The following CSMD1 variants were observed in gnomAD, a reference collection of about 807,000 sequenced individuals.
CSMD1 encodes the protein CUB and sushi domain-containing protein 1.
Under a neutral mutation model 417.5 loss-of-function variants are expected in CSMD1, and 213 were observed. That is an observed-to-expected ratio of 0.51 (90% CI 0.46 to 0.57). The LOEUF is 0.57. Among genes scored for constraint, CSMD1 ranks in the 20% least tolerant of loss-of-function variants. The probability of loss-of-function intolerance (pLI) is 0.00; values close to 1 mark genes in which losing one functional copy is unlikely to be tolerated. For synonymous variants in CSMD1, 2,862 were observed against 1,736.8 expected, an observed-to-expected ratio of 1.65 and a Z score of -16.11; for missense variants, 6,923 against 4,529.7, an observed-to-expected ratio of 1.53 and a Z score of -15.17.
At chr8:3,353,966 T>C (rs1808577365) in intron 21 of CSMD1, among the ~76,000 whole-genome samples, 1 of 152,178 alleles carries the variant, frequency 6.6e-6, no homozygotes, top group Non-Finnish European at 1.5e-5. Context: ...CTCAGTCTGC[T>C]TGGCCTGCTG....
At chr8:4,751,205 C>A (rs755033267) in intron 1 of CSMD1, among the ~76,000 whole-genome samples, 6 of 152,208 alleles carry the variant, frequency 3.9e-5, no homozygotes, top group African/African-American at 1.2e-4. Flanking sequence ...GCCAACATGG[C>A]GAAGACCCAT....
chr8:4,933,638 G>A (rs545305428), intron 1 of CSMD1, among the ~76,000 whole-genome samples: 6 of 152,194 alleles, frequency 3.9e-5, no homozygotes, highest in East Asian at 1.9e-4. Flanking sequence ...TGTACTTTCC[G>A]AATGCCTGTC....
intron 1 of CSMD1, among the ~76,000 whole-genome samples, chr8:4,785,056 T>G (rs573771538): frequency 6.6e-6 from 1 of 152,338 alleles, no homozygotes; most frequent in East Asian, 1.9e-4. Context: ...AGTGGATATT[T>G]ATATAACTAT....
intron 12 of CSMD1, among the ~76,000 whole-genome samples, chr8:3,423,301 C>T (rs191099147): frequency 1.3e-4 from 20 of 152,316 alleles, no homozygotes; most frequent in Admixed American, 1.2e-3. Context: ...CATTCCTCCA[C>T]AATTTCCTCC....
intron 7 of CSMD1, among the ~76,000 whole-genome samples, chr8:3,698,957 C>A (rs1412171048): frequency 6.6e-6 from 1 of 152,186 alleles, no homozygotes; most frequent in Non-Finnish European, 1.5e-5. Flanking sequence ...AGTCAGGCAT[C>A]CAGGCTGATG....
At chr8:4,166,211 T>C (rs771148949) in intron 3 of CSMD1, among the ~76,000 whole-genome samples, 65 of 152,224 alleles carry the variant, frequency 4.3e-4, no homozygotes, top group Admixed American at 3.9e-4. Context: ...TTTTATGACA[T>C]ATTTCATTTA....
chr8:4,162,221 T>C (rs1482236629), intron 3 of CSMD1, among the ~76,000 whole-genome samples: 4 of 152,234 alleles, frequency 2.6e-5, no homozygotes, highest in South Asian at 2.1e-4. Context: ...TTAATTGTTA[T>C]GTTACCAGTA....
chr8:4,495,060 A>G (rs1333313652), intron 2 of CSMD1, among the ~76,000 whole-genome samples: 1 of 152,178 alleles, frequency 6.6e-6, no homozygotes, highest in Non-Finnish European at 1.5e-5. Context: ...CACTAGGGAC[A>G]GGGAGACAAG....
At chr8:2,965,746 T>TGGG in intron 59 of CSMD1, 29 bp downstream of exon 59, 1 of 1,569,590 alleles carries the variant, frequency 6.4e-7, no homozygotes. Flanking sequence ...TATACACATC[T>TGGG]GTAAAATCCA....
intron 3 of CSMD1, among the ~76,000 whole-genome samples, chr8:4,099,160 T>A (rs4875275): frequency 0.99 from 150,985 of 152,000 alleles, 74,996 homozygotes; most frequent in Middle Eastern, 1. Context: ...ACCATGCATA[T>A]GTCTTATTTA....
At chr8:4,467,121 G>GT (rs779371262) in intron 2 of CSMD1, among the ~76,000 whole-genome samples, 1 of 72,548 alleles carries the variant, frequency 1.4e-5, no homozygotes, top group Non-Finnish European at 3.0e-5. Flanking sequence ...ATTCTTCAGA[G>GT]TAAAAAAAAA....
chr8:3,749,493 G>A (rs773293157), intron 6 of CSMD1, among the ~76,000 whole-genome samples: 7 of 152,144 alleles, frequency 4.6e-5, no homozygotes, highest in Admixed American at 1.3e-4. Flanking sequence ...GTAAGACTCC[G>A]AGAATAAAGA....
rs752699683 is a variant in CSMD1 at position 3,926,051 on chromosome 8, T to TACACAC, written c.818+71851_818+71852insGTGTGT. Reference sequence around the variant, plus strand: ...CACACACACACACACACAAACACCATATACACACACACACACACACACAAA... The same window carrying TACACAC: ...CACACACACACACACACAAACACCATACACACATACACACACACACACACACACAAA... On this transcript the variant is annotated intron_variant, in intron 5 of 69. Transcript: ENST00000635120. Among the ~76,000 whole-genome samples the TACACAC allele has an allele frequency of 3.3e-4, 25 of 76,678 alleles. 3 individuals are homozygous for TACACAC. Among genetic ancestry groups the TACACAC allele is most frequent in the African/African-American group, 1.9e-3 (25 of 13,242 alleles). The allele number at this position is 76,678 out of a possible 152,430, so 50.3% of individuals were successfully genotyped here. A position where few individuals can be genotyped will look rare whatever the true frequency, so the allele number is the denominator to read the frequency against.
chr8:4,055,105 T>G (rs1464832097), intron 3 of CSMD1, among the ~76,000 whole-genome samples: 2 of 152,194 alleles, frequency 1.3e-5, no homozygotes, highest in African/African-American at 4.8e-5. Context: ...ACATTTTCTT[T>G]GAGCTTTGTG....
At chr8:3,447,121 T>C (rs991200380) in intron 12 of CSMD1, among the ~76,000 whole-genome samples, 58 of 151,984 alleles carry the variant, frequency 3.8e-4, no homozygotes, top group Non-Finnish European at 2.9e-5. Context: ...TAAGAAAACA[T>C]CAAAAGCACA....
At chr8:4,617,179 A>C (rs942530017) in intron 2 of CSMD1, among the ~76,000 whole-genome samples, 1 of 152,186 alleles carries the variant, frequency 6.6e-6, no homozygotes, top group Non-Finnish European at 1.5e-5. Context: ...CTCTTATGCC[A>C]CTTTGATTTA....
In CSMD1 at chr8:3,190,067, C is replaced by G; in HGVS notation, c.5243G>C (p.Arg1748Thr). Reference protein sequence around the residue: ...DTQCSSVPEPRYGRRIGSEFS... With the variant: ...DTQCSSVPEPTYGRRIGSEFS... ...CTCAGAACCAATTCTCCTTCCGTAT[C>G]TGGGCTCGGGGACAGAGCTGCATTG... Residue 1748 changes from arginine to threonine, a missense_variant, in exon 34 of 70, where the codon AGA (arginine) becomes ACA (threonine). By Grantham distance (71) the Arg-to-Thr change is moderately conservative. Transcript: ENST00000635120. 3 of 1,596,212 alleles carry G rather than the reference C, an allele frequency of 1.9e-6. No individual in the cohort carries two copies. Among genetic ancestry groups the G allele is most frequent in the Non-Finnish European group, 2.6e-6 (3 of 1,171,464 alleles).
At chr8:3,404,545 G>A (rs957083461) in intron 15 of CSMD1, among the ~76,000 whole-genome samples, 3 of 151,912 alleles carry the variant, frequency 2.0e-5, no homozygotes, top group African/African-American at 7.3e-5. Context: ...TTATTCCGAG[G>A]TATTTTAGAT....
intron 5 of CSMD1, among the ~76,000 whole-genome samples, chr8:3,756,222 G>A (rs375104974): frequency 1.5e-4 from 23 of 151,820 alleles, no homozygotes; most frequent in Middle Eastern, 3.4e-3. Context: ...GCATGGTGGC[G>A]GGCGCCTGTA....
Sources: allele counts gnomAD v4.1 joint callset (sites outside exome capture counted in the v4.1 genomes callset), GRCh38; gene constraint gnomAD v4.1.1; transcripts MANE v1.5; gene names NCBI Gene and HGNC (gene_info 2026-07-23, HGNC 2026-07-21).